Variants in SCHIP1 observed in about 807,000 individuals in gnomAD.
SCHIP1 encodes the protein schwannomin interacting protein 1.
SCHIP1 carries 8 observed loss-of-function variants against 29.7 expected under a neutral mutation model. That is an observed-to-expected ratio of 0.27 (90% CI 0.16 to 0.49). SCHIP1 has a LOEUF of 0.49. Among genes scored for constraint, SCHIP1 ranks in the 20% least tolerant of loss-of-function variants. SCHIP1 has a pLI of 0.99. For missense variants in SCHIP1, 193 were observed against 294.6 expected (o/e 0.66, Z 2.52); for synonymous variants, 76 against 94.9 (o/e 0.80, Z 1.16).
chr3:159,505,562 T>C, the SCHIP1 span, among the ~76,000 whole-genome samples: 1 of 152,210 alleles, frequency 6.6e-6, no homozygotes, highest in East Asian at 1.9e-4. Flanking sequence ...CATGTTGGTG[T>C]GCTGCACCCA....
At chr3:159,838,424 G>A (rs894335982), upstream of SCHIP1, among the ~76,000 whole-genome samples, 2 of 152,158 alleles carry the variant, frequency 1.3e-5, no homozygotes, top group African/African-American at 2.4e-5. Flanking sequence ...GTGAAACTGC[G>A]TGGTTAATGG....
the SCHIP1 span, among the ~76,000 whole-genome samples, chr3:159,552,491 G>A: frequency 8.5e-5 from 13 of 152,234 alleles, no homozygotes; most frequent in South Asian, 2.1e-4. Flanking sequence ...GAATCTAAAG[G>A]TGACATTACT....
At chr3:159,418,594 A>G in the SCHIP1 span, among the ~76,000 whole-genome samples, 1 of 152,240 alleles carries the variant, frequency 6.6e-6, no homozygotes, top group South Asian at 2.1e-4. Context: ...TCTTCAAAGT[A>G]TACAAAATAT....
the SCHIP1 span, among the ~76,000 whole-genome samples, chr3:159,614,590 C>T: frequency 1.3e-5 from 2 of 152,136 alleles, no homozygotes; most frequent in East Asian, 3.9e-4. Context: ...CCAATATACT[C>T]AGTTATGTTT....
the SCHIP1 span, among the ~76,000 whole-genome samples, chr3:159,505,439 CA>C: frequency 6.6e-6 from 1 of 152,078 alleles, no homozygotes; most frequent in Non-Finnish European, 1.5e-5. Context: ...TATCTGAAAT[CA>C]AAACTTATTG....
the SCHIP1 span, among the ~76,000 whole-genome samples, chr3:159,623,373 C>T: frequency 6.6e-6 from 1 of 152,098 alleles, no homozygotes; most frequent in African/African-American, 2.4e-5. Context: ...AAGTAATAAA[C>T]AGTTTTACTT....
At chr3:159,655,662 G>A in the SCHIP1 span, among the ~76,000 whole-genome samples, 4 of 152,140 alleles carry the variant, frequency 2.6e-5, no homozygotes, top group Non-Finnish European at 5.9e-5. Flanking sequence ...GGCTGAAGCG[G>A]GAGAATCATG....
At chr3:159,880,877 T>C (rs1229987000) in intron 2 of SCHIP1, among the ~76,000 whole-genome samples, 1 of 152,264 alleles carries the variant, frequency 6.6e-6, no homozygotes, top group Non-Finnish European at 1.5e-5. Flanking sequence ...TATAGCATTG[T>C]ATTTTCATAA....
chr3:159,511,425 C>G, the SCHIP1 span, among the ~76,000 whole-genome samples: 1 of 152,202 alleles, frequency 6.6e-6, no homozygotes, highest in Non-Finnish European at 1.5e-5. Context: ...CCGGGTGAAG[C>G]AATGCCTCGC....
At chr3:159,677,435 G>C in the SCHIP1 span, among the ~76,000 whole-genome samples, 389 of 152,038 alleles carry the variant, frequency 2.6e-3, 2 homozygotes, top group African/African-American at 9.0e-3. Context: ...GAAGGGAGTT[G>C]GACTGCAGGC....
intron 5 of SCHIP1, among the ~76,000 whole-genome samples, chr3:159,889,183 C>T (rs1456948407): frequency 6.6e-6 from 1 of 152,126 alleles, no homozygotes; most frequent in Non-Finnish European, 1.5e-5. Flanking sequence ...TATTTTAAAT[C>T]CCCAGCTCCT....
At chr3:159,454,012 G>C in the SCHIP1 span, among the ~76,000 whole-genome samples, 3 of 152,292 alleles carry the variant, frequency 2.0e-5, no homozygotes, top group Non-Finnish European at 4.4e-5. Context: ...TTCAGAACTT[G>C]ACAATTCCAG....
chr3:159,589,709 C>A, the SCHIP1 span, among the ~76,000 whole-genome samples: 1 of 152,078 alleles, frequency 6.6e-6, no homozygotes, highest in African/African-American at 2.4e-5. Flanking sequence ...AATTTCATGA[C>A]AAAATTAGAA....
At chr3:159,720,250 G>T in the SCHIP1 span, among the ~76,000 whole-genome samples, 1 of 133,686 alleles carries the variant, frequency 7.5e-6, no homozygotes, top group Non-Finnish European at 1.6e-5. Context: ...AGGGGGGAGG[G>T]GGGAGGAATA....
chr3:159,584,894 C>T, the SCHIP1 span, among the ~76,000 whole-genome samples: 3 of 152,042 alleles, frequency 2.0e-5, no homozygotes, highest in African/African-American at 7.2e-5. Flanking sequence ...CACTGACCTC[C>T]TTGTAACACC....
At chr3:159,875,887 G>T (rs1258727902) in intron 2 of SCHIP1, among the ~76,000 whole-genome samples, 1 of 151,956 alleles carries the variant, frequency 6.6e-6, no homozygotes, top group Admixed American at 6.5e-5. Context: ...GAGCCCAGGA[G>T]CTTGAGGATA....
the SCHIP1 span, among the ~76,000 whole-genome samples, chr3:159,465,895 G>A: frequency 5.9e-5 from 9 of 152,042 alleles, no homozygotes; most frequent in African/African-American, 1.4e-4. Flanking sequence ...CAAACATTAA[G>A]CATTATTGAC....
the SCHIP1 span, among the ~76,000 whole-genome samples, chr3:159,313,682 A>G: frequency 1.3e-5 from 2 of 152,182 alleles, no homozygotes; most frequent in African/African-American, 4.8e-5. Context: ...ATAACTGACC[A>G]AACCACAGAC....
chr3:159,653,791 T>C, the SCHIP1 span, among the ~76,000 whole-genome samples: 1 of 150,524 alleles, frequency 6.6e-6, no homozygotes, highest in African/African-American at 2.4e-5. Context: ...AGTAGGTGAA[T>C]CTAGTTTACA....
Sources: allele counts gnomAD v4.1 joint callset (sites outside exome capture counted in the v4.1 genomes callset), GRCh38; gene constraint gnomAD v4.1.1; transcripts MANE v1.5; gene names NCBI Gene and HGNC (gene_info 2026-07-23, HGNC 2026-07-21).